The following SPATA45 variants were observed in gnomAD, a reference collection of about 807,000 sequenced individuals.
SPATA45 encodes spermatogenesis associated 45.
Under a neutral mutation model 7.0 loss-of-function variants are expected in SPATA45, and 5 were observed. The observed-to-expected ratio is 0.71, with a 90% CI of 0.37 to 1.50. The LOEUF (loss-of-function observed/expected upper bound fraction) is 1.50. Ranked by LOEUF, SPATA45 falls within the 40% of genes most tolerant of loss-of-function variation. SPATA45 has a pLI of 0.03. For missense variants in SPATA45, 111 were observed against 114.9 expected (o/e 0.97, Z 0.16); for synonymous variants, 40 against 38.7 (o/e 1.03, Z -0.13).
intron 2 of SPATA45, among the ~76,000 whole-genome samples, chr1:212,832,789 C>T (rs915594933): frequency 4.6e-5 from 7 of 151,454 alleles, no homozygotes; most frequent in African/African-American, 1.7e-4. Flanking sequence ...GGTTTGTGAG[C>T]CATTGCCCAA....
At chr1:212,837,623 A>T (rs905107010) in intron 1 of SPATA45, among the ~76,000 whole-genome samples, 5 of 146,642 alleles carry the variant, frequency 3.4e-5, no homozygotes, top group Non-Finnish European at 7.5e-5. Flanking sequence ...ACAGTGTGAG[A>T]CTCTGTCTCA....
chr1:212,841,262 G>C (rs967332082), intron 1 of SPATA45, among the ~76,000 whole-genome samples: 1 of 151,940 alleles, frequency 6.6e-6, no homozygotes, highest in Non-Finnish European at 1.5e-5. Flanking sequence ...AGGCTCAAGT[G>C]ATCTTCCAAC....
intron 2 of SPATA45, among the ~76,000 whole-genome samples, chr1:212,830,907 C>T (rs551168942): frequency 2.0e-5 from 3 of 150,924 alleles, no homozygotes; most frequent in African/African-American, 7.3e-5. Flanking sequence ...CAGTTGAACC[C>T]GGGAGGTGGA....
chr1:212,840,809 G>A (rs192471949), intron 1 of SPATA45, among the ~76,000 whole-genome samples: 66 of 151,752 alleles, frequency 4.3e-4, no homozygotes, highest in Admixed American at 1.8e-3. Flanking sequence ...TAGTAGAGAC[G>A]GGGTTTCACC....
At chr1:212,832,864 T>G (rs1490960762) in intron 2 of SPATA45, among the ~76,000 whole-genome samples, 1 of 151,522 alleles carries the variant, frequency 6.6e-6, no homozygotes, top group Admixed American at 6.6e-5. Flanking sequence ...GAAAGTATAT[T>G]CCATGTCCCA....
At position 212,836,908 on chromosome 1, in the gene SPATA45, C is replaced by T. The variant is rs150266142; in HGVS notation, c.-38-721G>A. On this transcript the variant is annotated intron_variant, in intron 1 of 2. Transcript: ENST00000332912. Reference sequence around the variant, plus strand: ...TCCTGAAGTTGTGATCCACCCGCCTCGGCCTCCCAAAGTGCTGGGATTACA... The same window carrying T: ...TCCTGAAGTTGTGATCCACCCGCCTTGGCCTCCCAAAGTGCTGGGATTACA... Among the ~76,000 whole-genome samples the T allele has an allele frequency of 7.4e-3, 1,113 of 150,980 alleles. 20 individuals are homozygous for T. The highest frequency in any genetic ancestry group is 0.026 in the African/African-American group (1,065 of 41,314).
At chr1:212,844,037 C>T (rs1663742907) in intron 1 of SPATA45, among the ~76,000 whole-genome samples, 1 of 152,190 alleles carries the variant, frequency 6.6e-6, no homozygotes, top group Non-Finnish European at 1.5e-5. Flanking sequence ...TGCTCCCACA[C>T]TAGCTCTCCC....
chr1:212,837,487 G>T (rs1558097035), intron 1 of SPATA45, among the ~76,000 whole-genome samples: 1 of 151,480 alleles, frequency 6.6e-6, no homozygotes, highest in African/African-American at 2.4e-5. Context: ...CAAAAAATTA[G>T]CCAGGCATGG....
At chr1:212,835,557 G>T (rs1490148038) in intron 2 of SPATA45, among the ~76,000 whole-genome samples, 1 of 148,396 alleles carries the variant, frequency 6.7e-6, no homozygotes, top group South Asian at 2.2e-4. Flanking sequence ...CATAGGCTGG[G>T]TGTGGTGGCT....
At chr1:212,843,605 T>A (rs1663733706) in intron 1 of SPATA45, among the ~76,000 whole-genome samples, 2 of 152,244 alleles carry the variant, frequency 1.3e-5, no homozygotes, top group South Asian at 4.2e-4. Context: ...AATGGAGACG[T>A]TCAAGGTAAT....
At chr1:212,843,492 C>T (rs1277424465) in intron 1 of SPATA45, among the ~76,000 whole-genome samples, 3 of 152,120 alleles carry the variant, frequency 2.0e-5, no homozygotes, top group Non-Finnish European at 4.4e-5. Flanking sequence ...ATTTTCTTTT[C>T]TCCCCAGTTT....
intron 1 of SPATA45, among the ~76,000 whole-genome samples, chr1:212,844,286 A>T (rs539663784): frequency 6.6e-6 from 1 of 152,270 alleles, no homozygotes; most frequent in South Asian, 2.1e-4. Flanking sequence ...CATAACTTTC[A>T]AAATCCATTT....
chr1:212,834,772 T>C (rs1240733517), intron 2 of SPATA45, among the ~76,000 whole-genome samples: 1 of 151,686 alleles, frequency 6.6e-6, no homozygotes, highest in Non-Finnish European at 1.5e-5. Flanking sequence ...TATTAGGGCT[T>C]TTTGTGTGAT....
At chr1:212,830,920 T>C (rs1195259963) in intron 2 of SPATA45, among the ~76,000 whole-genome samples, 1 of 148,190 alleles carries the variant, frequency 6.7e-6, no homozygotes, top group African/African-American at 2.5e-5. Flanking sequence ...GAGGTGGAGG[T>C]TGCAGTGAGC....
chr1:212,843,096 AACATAC>A (rs1383995465), intron 1 of SPATA45, among the ~76,000 whole-genome samples: 1 of 56,728 alleles, frequency 1.8e-5, no homozygotes, highest in Admixed American at 2.1e-4. Context: ...GACTCCGTCA[AACATAC>A]ACACACACAC....
intron 1 of SPATA45, among the ~76,000 whole-genome samples, chr1:212,845,538 CAATTTCTCAGGCTCTTGGTATTT>C (rs1437015923): frequency 2.6e-5 from 4 of 152,138 alleles, no homozygotes; most frequent in African/African-American, 9.7e-5. Flanking sequence ...ATCACCTGAG[CAATTTCTCAGGCTCTTGGTATTT>C]AATGGCTCCT....
rs557596256 is a variant in SPATA45, at chr1:212,830,172, T to G, written c.*70A>C. Reference sequence around the variant, plus strand: ...TTAGCTTTGTTTATAATTAATAATTTGTAAATAATTTAGACACACTGAAGA... The same window carrying G: ...TTAGCTTTGTTTATAATTAATAATTGGTAAATAATTTAGACACACTGAAGA... On this transcript the variant is annotated 3_prime_UTR_variant, in exon 3 of 3. Coordinates refer to ENST00000332912, the MANE Select transcript of SPATA45 (RefSeq NM_001024601.3). 22 of 1,121,350 alleles carry G rather than the reference T, an allele frequency of 2.0e-5. No individual in the cohort carries two copies. The East Asian group carries it at 5.6e-4, about 29-fold the overall frequency. 69.5% of individuals were successfully genotyped at this position (1,121,350 alleles called of 1,614,324 possible).
In SPATA45 at chr1:212,830,208, A is replaced by G. The variant is rs1276658953; in HGVS notation, c.*34T>C. Reference sequence around the variant, plus strand: ...TAGACACACTGAAGAAGAATCAAAGAGAATGTATTTCCGTGTGTCTCTGGA... The same window carrying G: ...TAGACACACTGAAGAAGAATCAAAGGGAATGTATTTCCGTGTGTCTCTGGA... On this transcript the variant is annotated 3_prime_UTR_variant, in exon 3 of 3. Transcript: ENST00000332912. 5 of 1,463,192 alleles carry G rather than the reference A, an allele frequency of 3.4e-6. No individual in the cohort carries two copies. The South Asian group carries it at 4.9e-5, about 14-fold the overall frequency. The allele number at this position is 1,463,192 out of a possible 1,614,324, so 90.6% of individuals were successfully genotyped here. A position where few individuals can be genotyped will look rare whatever the true frequency, so the allele number is the denominator to read the frequency against.
chr1:212,840,292 C>T (rs1186341307), intron 1 of SPATA45, among the ~76,000 whole-genome samples: 11 of 143,404 alleles, frequency 7.7e-5, no homozygotes, highest in African/African-American at 2.7e-4. Context: ...CACCTGTAAT[C>T]CCAGCTACTT....
Sources: allele counts gnomAD v4.1 joint callset (sites outside exome capture counted in the v4.1 genomes callset), GRCh38; gene constraint gnomAD v4.1.1; transcripts MANE v1.5; gene names NCBI Gene and HGNC (gene_info 2026-07-23, HGNC 2026-07-21).